Variants in LYPD6B observed in about 807,000 individuals in gnomAD.
LYPD6B encodes the protein LY6/PLAUR domain containing 6B.
A neutral mutation model predicts 22.8 loss-of-function variants in LYPD6B; 17 were observed. The ratio of observed to expected loss-of-function variants is 0.75; its 90% CI spans 0.51 to 1.12. The LOEUF is 1.12. Ranked by LOEUF, LYPD6B falls within the 50% of genes most tolerant of loss-of-function variation. The pLI is 0.00. For missense variants in LYPD6B, 221 were observed against 258.3 expected (o/e 0.86, Z 0.99); for synonymous variants, 106 against 91.6 (o/e 1.16, Z -0.90).
At chr2:149,110,655 T>A (rs1423841459) in intron 1 of LYPD6B, among the ~76,000 whole-genome samples, 3 of 152,218 alleles carry the variant, frequency 2.0e-5, no homozygotes, top group Non-Finnish European at 4.4e-5. Flanking sequence ...TATTATGTAA[T>A]TCCATTTTAA....
chr2:149,068,730 C>A, intron 1 of LYPD6B: 3 of 535,808 alleles, frequency 5.6e-6, no homozygotes, highest in South Asian at 4.2e-5. Context: ...TCCTGACAGT[C>A]ATCCACATCT....
intron 3 of LYPD6B, among the ~76,000 whole-genome samples, chr2:149,200,111 G>A (rs1224199843): frequency 6.6e-6 from 1 of 152,204 alleles, no homozygotes; most frequent in Non-Finnish European, 1.5e-5. Flanking sequence ...AGCCAGGCCT[G>A]TTAAAGATGT....
chr2:149,189,340 A>G (rs1198008230), intron 3 of LYPD6B, among the ~76,000 whole-genome samples: 1 of 81,740 alleles, frequency 1.2e-5, no homozygotes, highest in Admixed American at 1.8e-4. Context: ...ATTTGTCCAA[A>G]ATTATATATA....
chr2:149,202,762 A>G (rs1693251678), intron 3 of LYPD6B, among the ~76,000 whole-genome samples: 1 of 152,214 alleles, frequency 6.6e-6, no homozygotes, highest in Non-Finnish European at 1.5e-5. Context: ...CTGAGATTAC[A>G]TGAGGAAAAC....
intron 5 of LYPD6B, 28 bp from the exon 6 acceptor site, chr2:149,212,962 TGG>T (rs1236775890): frequency 6.2e-7 from 1 of 1,605,562 alleles, no homozygotes; most frequent in Non-Finnish European, 8.5e-7. Flanking sequence ...CCTTGTTTCT[TGG>T]TTTTGTTTTT....
intron 1 of LYPD6B, among the ~76,000 whole-genome samples, chr2:149,047,104 T>A (rs1321314067): frequency 6.6e-6 from 1 of 152,222 alleles, no homozygotes; most frequent in Non-Finnish European, 1.5e-5. Context: ...GCAATTAAAA[T>A]TAAGAGAAAA....
intron 1 of LYPD6B, among the ~76,000 whole-genome samples, chr2:149,079,076 TAA>T (rs60944860): frequency 8.8e-5 from 12 of 136,036 alleles, no homozygotes; most frequent in Admixed American, 1.5e-4. Context: ...CTATTCAAAT[TAA>T]AAAAAAAAAA....
chr2:149,072,191 CTA>C (rs1287405677), intron 1 of LYPD6B, among the ~76,000 whole-genome samples: 1 of 152,194 alleles, frequency 6.6e-6, no homozygotes, highest in Non-Finnish European at 1.5e-5. Flanking sequence ...CTCAGTCTCC[CTA>C]TGTTTTACCA....
chr2:149,139,739 A>G (rs1180060474), intron 2 of LYPD6B, among the ~76,000 whole-genome samples: 1 of 152,212 alleles, frequency 6.6e-6, no homozygotes, highest in Non-Finnish European at 1.5e-5. Flanking sequence ...AATAAATTGG[A>G]TGATTATTAC....
chr2:149,129,916 A>T (rs12469856), intron 1 of LYPD6B, among the ~76,000 whole-genome samples: 30,886 of 108,792 alleles, frequency 0.28, 3,600 homozygotes, highest in Non-Finnish European at 0.35. Flanking sequence ...TCTGGGAAGG[A>T]AGAAGGAGGA....
rs59103674 is a variant in LYPD6B, at chr2:149,077,464, C to T, written c.-67+38663C>T. 8.0e-3 allele frequency: 983 copies of T among 122,268 alleles called. 18 individuals are homozygous for T. The highest frequency in any genetic ancestry group is 0.028 in the African/African-American group (884 of 31,680). The allele number at this position is 122,268 out of a possible 1,614,324, so 7.6% of individuals were successfully genotyped here. ...TTTGTTTTTCTTAAAGACAATGTGG[C>T]ATGTAATAAGTGATAACTATAACTA... On this transcript the variant is annotated intron_variant, in intron 1 of 6. Coordinates refer to ENST00000409642, the MANE Select transcript of LYPD6B (RefSeq NM_177964.5).
chr2:149,077,870 T>C (rs1684947949), intron 1 of LYPD6B, among the ~76,000 whole-genome samples: 1 of 152,214 alleles, frequency 6.6e-6, no homozygotes, highest in Non-Finnish European at 1.5e-5. Flanking sequence ...CTGAAAGTGA[T>C]CTGATGTCAT....
At chr2:149,181,613 C>CA (rs1031450408) in intron 3 of LYPD6B, among the ~76,000 whole-genome samples, 3 of 152,050 alleles carry the variant, frequency 2.0e-5, no homozygotes, top group African/African-American at 7.2e-5. Flanking sequence ...GTCTCCTTTG[C>CA]AAAAAAGTCT....
intron 3 of LYPD6B, among the ~76,000 whole-genome samples, chr2:149,199,208 C>G (rs542797007): frequency 1.4e-4 from 22 of 152,328 alleles, no homozygotes; most frequent in Admixed American, 1.3e-3. Context: ...CACACCACAA[C>G]TTAGAAGTTT....
intron 1 of LYPD6B, among the ~76,000 whole-genome samples, chr2:149,088,164 T>C (rs1685487914): frequency 6.7e-6 from 1 of 150,118 alleles, no homozygotes; most frequent in African/African-American, 2.4e-5. Context: ...GGGTGTCAAG[T>C]ATGTCCCAAG....
intron 1 of LYPD6B, among the ~76,000 whole-genome samples, chr2:149,073,452 C>T (rs1352955216): frequency 6.6e-6 from 1 of 152,072 alleles, no homozygotes; most frequent in Non-Finnish European, 1.5e-5. Context: ...ACTGATATGC[C>T]AGCTGGGTCC....
intron 6 of LYPD6B, among the ~76,000 whole-genome samples, chr2:149,214,340 G>T (rs373190418): frequency 1.5e-4 from 23 of 152,178 alleles, no homozygotes; most frequent in African/African-American, 5.1e-4. Context: ...TAGGATAAAA[G>T]ACTTTCAGCA....
At chr2:149,124,670 T>C (rs1687583413) in intron 1 of LYPD6B, among the ~76,000 whole-genome samples, 1 of 152,196 alleles carries the variant, frequency 6.6e-6, no homozygotes, top group South Asian at 2.1e-4. Flanking sequence ...CATGAAAATA[T>C]TAGATAGTTC....
intron 1 of LYPD6B, among the ~76,000 whole-genome samples, chr2:149,063,095 T>C (rs1354447336): frequency 3.3e-5 from 5 of 152,112 alleles, no homozygotes; most frequent in African/African-American, 9.7e-5. Context: ...AATGGCAAGA[T>C]GCAGACATTA....
Sources: gnomAD v4.1 joint callset for allele counts (sites outside exome capture counted in the v4.1 genomes callset) on GRCh38, gnomAD v4.1.1 for gene constraint, MANE v1.5 for transcripts, NCBI Gene and HGNC (gene_info 2026-07-23, HGNC 2026-07-21) for gene names.